PRMT7: variants seen among roughly 807,000 people sequenced by gnomAD.
PRMT7 encodes the protein protein arginine methyltransferase 7, also known as protein arginine N-methyltransferase 7.
In PRMT7, 75 loss-of-function variants were observed where a neutral mutation model predicts 85.4. The observed-to-expected ratio is 0.88, with a 90% confidence interval of 0.73 to 1.06. The LOEUF is 1.06. Ranked by LOEUF, PRMT7 falls within the 50% of genes least tolerant of loss-of-function variation. PRMT7 has a pLI of 0.00. For synonymous variants in PRMT7, 397 were observed against 359.5 expected (o/e 1.10, Z -1.18); for missense variants, 868 against 915.2 (o/e 0.95, Z 0.67).
intron 5 of PRMT7, among the ~76,000 whole-genome samples, chr16:68,326,935 A>G (rs528761542): frequency 8.3e-4 from 126 of 152,248 alleles, no homozygotes; most frequent in African/African-American, 3.0e-3. Context: ...CTGGCTTTGG[A>G]TATTGTCAGG....
At chr16:68,326,219 G>T (rs1421908046) in intron 5 of PRMT7, among the ~76,000 whole-genome samples, 3 of 152,254 alleles carry the variant, frequency 2.0e-5, no homozygotes, top group South Asian at 2.1e-4. Context: ...ACAAAATTGG[G>T]TTCATGTAGT....
chr16:68,315,897 A>G lies in PRMT7; in HGVS notation c.-83A>G. 1 of 1,138,844 alleles carries G rather than the reference A, an allele frequency of 8.8e-7. No individual in the cohort carries two copies. Among genetic ancestry groups the G allele is most frequent in the Non-Finnish European group, 1.3e-6 (1 of 758,652 alleles). 70.5% of individuals were successfully genotyped at this position (1,138,844 alleles called of 1,614,324 possible). ...TCCTGTTTCCTTCTGATGTTAATAG[A>G]TTTCTGACAGTCAGACTTGTCCACA... On this transcript the variant is annotated splice_region_variant and 5_prime_UTR_variant, in exon 3 of 19. Coordinates refer to ENST00000441236, the MANE Select transcript of PRMT7 (RefSeq NM_019023.5).
In PRMT7 at chr16:68,316,042, T is replaced by C; in HGVS notation, c.63T>C (p.Asp21=). 1 of 1,613,600 alleles carries C rather than the reference T, an allele frequency of 6.2e-7. No individual in the cohort carries two copies. The highest frequency in any genetic ancestry group is 8.5e-7 in the Non-Finnish European group (1 of 1,179,916). The change falls in exon 3 of 19, where the codon GAT becomes GAC. Residue 21 remains aspartate (D), a synonymous_variant. Transcript: ENST00000441236. The stretch of plus-strand genomic sequence containing the variant: ...GGTCTGTGGAGTGGCTGGAGGAGGA[T>C]GAACACTATGATTACCACCAGGAGA... ...TTGSVEWLEE[D]EHYDYHQEIA... is the part of the protein sequence containing the mutation.
chr16:68,360,454 G>A (rs959301523), downstream of PRMT7: 1 of 152,460 alleles, frequency 6.6e-6, no homozygotes, highest in African/African-American at 2.4e-5. Flanking sequence ...GCCAGACTCT[G>A]TTGTGCCTGA....
chr16:68,356,016 C>A (rs2088377146), intron 17 of PRMT7, 133 bp downstream of exon 17: 3 of 1,038,384 alleles, frequency 2.9e-6, no homozygotes, highest in Non-Finnish European at 3.9e-6. Context: ...CACAACCTTG[C>A]CCTTCCCTGT....
chr16:68,333,452 G>C (rs1052800025), intron 6 of PRMT7, among the ~76,000 whole-genome samples: 3 of 150,722 alleles, frequency 2.0e-5, no homozygotes, highest in African/African-American at 7.3e-5. Flanking sequence ...TTGCACTTCA[G>C]CCTGGGCAAC....
At position 68,355,715 on chromosome 16, in the gene PRMT7, G is replaced by T. The variant is rs764519451; in HGVS notation, c.1651-8G>T. The stretch of plus-strand genomic sequence containing the variant: ...CTCTGCAGCCCCCAGGCCCCCTTCT[G>T]TTCGCAGCGTGCCCTGGACTTCAGG... On this transcript the variant is annotated splice_region_variant and splice_polypyrimidine_tract_variant and intron_variant, in intron 16 of 18. Coordinates refer to ENST00000441236, the MANE Select transcript of PRMT7 (RefSeq NM_019023.5). 12 of 1,572,314 alleles carry T rather than the reference G, an allele frequency of 7.6e-6. No homozygotes were observed. In the South Asian group the frequency reaches 1.2e-4, roughly 15 times the overall value.
At chr16:68,320,583 C>A (rs2151425343) in intron 3 of PRMT7, among the ~76,000 whole-genome samples, 1 of 152,316 alleles carries the variant, frequency 6.6e-6, no homozygotes, top group African/African-American at 2.4e-5. Flanking sequence ...ATTCCTTGCC[C>A]TCATTCCAGT....
At chr16:68,349,832 C>T (rs1384727823) in intron 14 of PRMT7, among the ~76,000 whole-genome samples, 1 of 152,180 alleles carries the variant, frequency 6.6e-6, no homozygotes, top group African/African-American at 2.4e-5. Context: ...GAGTTGGAGG[C>T]TGCAGGGAGC....
chr16:68,339,684 T>C, intron 8 of PRMT7, 104 bp from the exon 9 acceptor site: 2 of 1,575,206 alleles, frequency 1.3e-6, no homozygotes, highest in Non-Finnish European at 1.7e-6. Context: ...AAGGCAAGAG[T>C]CCTTTGCAGC....
chr16:68,326,711 A>T (rs1176866010), intron 5 of PRMT7, among the ~76,000 whole-genome samples: 1 of 152,226 alleles, frequency 6.6e-6, no homozygotes, highest in African/African-American at 2.4e-5. Context: ...TGCAAAGGTC[A>T]GTTCCCCACG....
Position 68,329,187 on chromosome 16 carries a change from C to A in PRMT7, c.391+13C>A. ...ACTGTAGGTCCAGGTGAGATTTACA[C>A]ACCCTGTGTTGAAAGCTTTGCTTGC... On this transcript the variant is annotated intron_variant, in intron 6 of 18. Coordinates refer to ENST00000441236, the MANE Select transcript of PRMT7 (RefSeq NM_019023.5). The A allele has an allele frequency of 6.5e-7, 1 of 1,537,844 alleles. No homozygotes were observed. The highest frequency in any genetic ancestry group is 9.0e-7 in the Non-Finnish European group (1 of 1,111,024).
rs1311161598 is a variant in PRMT7 at position 68,337,554 on chromosome 16, C to G, written c.487C>G (p.His163Asp). Residue 163 changes from histidine (H) to aspartate (D), a missense_variant, in exon 7 of 19, where the codon CAC becomes GAC. Coordinates refer to ENST00000441236, the MANE Select transcript of PRMT7 (RefSeq NM_019023.5). ...GGCGCTGCCCTCCTATGAGCACGCACACAGGCATCTCGTGGAGGTAGTAGA... is the reference window on the plus strand; with the variant it reads ...GGCGCTGCCCTCCTATGAGCACGCAGACAGGCATCTCGTGGAGGTAGTAGA... The part of the protein sequence containing the change: ...EGALPSYEHA[H>D]RHLVEENCEA... 2.5e-6 allele frequency: 4 copies of G among 1,608,096 alleles called. No individual in the cohort carries two copies. The South Asian group carries it at 4.4e-5, about 18-fold the overall frequency.
chr16:68,324,572 A>G lies in PRMT7; in HGVS notation c.133-111A>G, dbSNP rs1453077812. ...TGTTCTGCCAGGGGCCAGAAAGGCC[A>G]TAGGGCCCTGACTTGCACTGCCACT... On this transcript the variant is annotated intron_variant, in intron 4 of 18. Transcript: ENST00000441236. The G allele has an allele frequency of 3.8e-6, 5 of 1,332,442 alleles. No homozygotes were observed. The African/African-American group carries it at 5.8e-5, about 15-fold the overall frequency. The allele number at this position is 1,332,442 out of a possible 1,614,324, so 82.5% of individuals were successfully genotyped here. A position where few individuals can be genotyped will look rare whatever the true frequency, so the allele number is the denominator to read the frequency against.
At chr16:68,334,661 G>A (rs1322302370) in intron 6 of PRMT7, among the ~76,000 whole-genome samples, 1 of 152,136 alleles carries the variant, frequency 6.6e-6, no homozygotes, top group Non-Finnish European at 1.5e-5. Flanking sequence ...AAGGGCTTAG[G>A]AAGCTCCTGG....
At chr16:68,332,110 T>G (rs894800337) in intron 6 of PRMT7, among the ~76,000 whole-genome samples, 4 of 152,238 alleles carry the variant, frequency 2.6e-5, no homozygotes, top group African/African-American at 9.6e-5. Flanking sequence ...TTCAGATTGA[T>G]CCTTTCAGGG....
At chr16:68,337,111 C>T (rs184147124) in intron 6 of PRMT7, among the ~76,000 whole-genome samples, 18 of 152,242 alleles carry the variant, frequency 1.2e-4, no homozygotes, top group Non-Finnish European at 8.8e-5. Context: ...TGATCTCAAA[C>T]TCCTGAACTC....
chr16:68,314,066 A>G (rs1368347800), intron 2 of PRMT7, among the ~76,000 whole-genome samples: 2 of 152,230 alleles, frequency 1.3e-5, no homozygotes, highest in Non-Finnish European at 2.9e-5. Flanking sequence ...TCTCATTTTA[A>G]AGTATATTTC....
chr16:68,344,932 C>G (rs1305920694), intron 9 of PRMT7, among the ~76,000 whole-genome samples: 1 of 106,898 alleles, frequency 9.4e-6, no homozygotes, highest in Non-Finnish European at 1.9e-5. Context: ...TCCTGCATCT[C>G]TACACACACA....
Sources: gnomAD v4.1 joint callset for allele counts (sites outside exome capture counted in the v4.1 genomes callset) on GRCh38, gnomAD v4.1.1 for gene constraint, MANE v1.5 for transcripts, NCBI Gene and HGNC (gene_info 2026-07-23, HGNC 2026-07-21) for gene names.